The following EBF3 variants were observed in gnomAD, a reference collection of about 807,000 sequenced individuals.
The protein encoded by EBF3 is EBF transcription factor 3.
Under a neutral mutation model 77.1 loss-of-function variants are expected in EBF3, and 18 were observed. The ratio of observed to expected loss-of-function variants is 0.23; its 90% CI spans 0.16 to 0.35. The LOEUF is 0.35. Ranked by LOEUF, EBF3 falls within the 10% of genes least tolerant of loss-of-function variation. EBF3 has a pLI of 1.00. For missense variants in EBF3, 558 were observed against 860.0 expected (o/e 0.65, Z 4.39); for synonymous variants, 350 against 343.5 (o/e 1.02, Z -0.21).
chr10:129,958,792 G>A, intron 5 of EBF3, 142 bp downstream of exon 5: 1 of 1,143,940 alleles, frequency 8.7e-7, no homozygotes, highest in East Asian at 3.2e-5. Flanking sequence ...GCGGCCCGGC[G>A]CGCGGCCTCG....
At chr10:129,950,828 C>T (rs188959601) in intron 6 of EBF3, among the ~76,000 whole-genome samples, 3 of 152,252 alleles carry the variant, frequency 2.0e-5, no homozygotes, top group Non-Finnish European at 4.4e-5. Context: ...GGCAAGCTGA[C>T]GGAGGGAATG....
At chr10:129,914,947 A>G (rs528786350) in intron 6 of EBF3, among the ~76,000 whole-genome samples, 2 of 152,332 alleles carry the variant, frequency 1.3e-5, no homozygotes, top group African/African-American at 4.8e-5. Flanking sequence ...CAGGGACTGT[A>G]TCTATGCATC....
chr10:129,900,040 C>T (rs887094062), intron 6 of EBF3, among the ~76,000 whole-genome samples: 4 of 152,220 alleles, frequency 2.6e-5, no homozygotes, highest in Admixed American at 2.6e-4. Flanking sequence ...TTAGATTTAG[C>T]TGTGTTTGAG....
intron 10 of EBF3, among the ~76,000 whole-genome samples, 193 bp downstream of exon 10, chr10:129,866,948 C>T (rs755755842): frequency 3.9e-5 from 6 of 152,244 alleles, no homozygotes; most frequent in African/African-American, 1.2e-4. Context: ...GCCCCATCCA[C>T]GGCTTCATAC....
chr10:129,945,452 T>C (rs1214801709), intron 6 of EBF3, among the ~76,000 whole-genome samples: 1 of 152,206 alleles, frequency 6.6e-6, no homozygotes, highest in African/African-American at 2.4e-5. Context: ...CAGAGGGCTC[T>C]GTAAATCACA....
intron 9 of EBF3, 131 bp from the exon 10 acceptor site, chr10:129,867,398 C>G: frequency 7.2e-7 from 1 of 1,389,788 alleles, no homozygotes; most frequent in South Asian, 1.4e-5. Flanking sequence ...TCCTAGCTGT[C>G]ACCCAGAGTC....
At chr10:129,878,051 G>C (rs1403081037) in intron 6 of EBF3, among the ~76,000 whole-genome samples, 1 of 152,124 alleles carries the variant, frequency 6.6e-6, no homozygotes, top group Non-Finnish European at 1.5e-5. Flanking sequence ...AGAGCAGTGA[G>C]TTGCATTTGC....
rs528796530 is a variant in EBF3 at position 129,841,739 on chromosome 10, C to T, written c.1372+377G>A. On this transcript the variant is annotated intron_variant, in intron 13 of 16. Transcript: ENST00000440978. The surrounding 1 kb of genome is among the most constrained non-coding windows in gnomAD (Gnocchi z 4.6). ...TCGTTCCAAACTTAGACCCAAATCCCGCCGTGCAGTGCGTCCAAGCAGGCT... is the reference window on the plus strand; with the variant it reads ...TCGTTCCAAACTTAGACCCAAATCCTGCCGTGCAGTGCGTCCAAGCAGGCT... 8.5e-5 allele frequency among the ~76,000 whole-genome samples: 13 copies of T among 152,246 alleles called. No homozygotes were observed. The highest frequency in any genetic ancestry group is 4.1e-4 in the South Asian group (2 of 4,820).
chr10:129,846,095 T>C lies in EBF3; in HGVS notation c.1128+2297A>G, dbSNP rs1226233469. On this transcript the variant is annotated intron_variant, in intron 11 of 16. Transcript: ENST00000440978. ...AGTGCCTCTTGATATTGCCTTTATT[T>C]TCATTCTGGGCTTTGTGTGTGTGTG... 5.6e-5 allele frequency among the ~76,000 whole-genome samples: 8 copies of C among 144,024 alleles called. No homozygotes were observed. The Admixed American group carries it at 5.7e-4, about 10-fold the overall frequency. The allele number at this position is 144,024 out of a possible 152,430, so 94.5% of individuals were successfully genotyped here. A position where few individuals can be genotyped will look rare whatever the true frequency, so the allele number is the denominator to read the frequency against.
chr10:129,896,272 G>A (rs901836534), intron 6 of EBF3, among the ~76,000 whole-genome samples: 1 of 152,246 alleles, frequency 6.6e-6, no homozygotes, highest in Admixed American at 6.5e-5. Context: ...ATGTCAGGTG[G>A]CCTCAGTGGT....
At chr10:129,931,094 A>G (rs1374489962) in intron 6 of EBF3, among the ~76,000 whole-genome samples, 1 of 152,004 alleles carries the variant, frequency 6.6e-6, no homozygotes, top group Non-Finnish European at 1.5e-5. Context: ...CTATCTCTAT[A>G]TTAACAAATC....
At chr10:129,838,927 G>A (rs543825737) in intron 16 of EBF3, among the ~76,000 whole-genome samples, 156 bp downstream of exon 16, 3 of 152,294 alleles carry the variant, frequency 2.0e-5, no homozygotes, top group Non-Finnish European at 4.4e-5. Flanking sequence ...CCCGTGTCAC[G>A]GGCAGGGCCG....
intron 4 of EBF3, among the ~76,000 whole-genome samples, chr10:129,959,287 C>A (rs1295263614): frequency 1.3e-5 from 2 of 151,996 alleles, no homozygotes; most frequent in African/African-American, 4.8e-5. Flanking sequence ...GGGCTCGGGC[C>A]GCGGGGAGGG....
At chr10:129,883,510 C>T (rs1384099315) in intron 6 of EBF3, among the ~76,000 whole-genome samples, 3 of 152,158 alleles carry the variant, frequency 2.0e-5, no homozygotes, top group East Asian at 3.9e-4. Flanking sequence ...GCAGCAAACT[C>T]ATACAACAGT....
chr10:129,885,459 G>A lies in EBF3; in HGVS notation c.555-7610C>T, dbSNP rs143291007. On this transcript the variant is annotated intron_variant, in intron 6 of 16. Coordinates refer to ENST00000440978, the MANE Select transcript of EBF3 (RefSeq NM_001375380.1). The surrounding 1 kb of genome is among the most constrained non-coding windows in gnomAD (Gnocchi z 4.0). ...AGTTAGTATTTTCTGCAACTGCTCCGGATATTTCATGATAGTTTTGATAAG... is the reference window on the plus strand; with the variant it reads ...AGTTAGTATTTTCTGCAACTGCTCCAGATATTTCATGATAGTTTTGATAAG... Among the ~76,000 whole-genome samples the A allele has an allele frequency of 4.1e-3, 628 of 152,176 alleles. 4 individuals are homozygous for A. Among genetic ancestry groups the A allele is most frequent in the African/African-American group, 0.015 (609 of 41,502 alleles).
Position 129,943,334 on chromosome 10 carries a change from TATCAC to T in EBF3, c.554+13919_554+13923del, listed in dbSNP as rs1857924593. Among the ~76,000 whole-genome samples the T allele has an allele frequency of 2.0e-5, 3 of 152,120 alleles. No individual in the cohort carries two copies. The highest frequency in any genetic ancestry group is 2.9e-5 in the Non-Finnish European group (2 of 68,032). The stretch of plus-strand genomic sequence containing the variant: ...TTAAAGAAGCAAATTGGATTTGCCC[TATCAC>T]AAAAAAAATTAATTCCAGATTGTAG... On this transcript the variant is annotated intron_variant, in intron 6 of 16. Coordinates refer to ENST00000440978, the MANE Select transcript of EBF3 (RefSeq NM_001375380.1). The surrounding 1 kb of genome is among the most constrained non-coding windows in gnomAD (Gnocchi z 8.8).
chr10:129,960,825 T>C (rs1859458876), intron 4 of EBF3, among the ~76,000 whole-genome samples: 1 of 152,142 alleles, frequency 6.6e-6, no homozygotes. Context: ...AATTAGACTA[T>C]AGCGATTTCC....
Position 129,867,818 on chromosome 10 carries a change from C to A in EBF3, c.876G>T (p.Leu292=). 3.7e-6 allele frequency: 6 copies of A among 1,614,250 alleles called. No homozygotes were observed. The highest frequency in any genetic ancestry group is 2.2e-5 in the South Asian group (2 of 91,088). Residue 292 remains leucine, a synonymous_variant, in exon 9 of 17, where the codon CTG becomes CTT. Transcript: ENST00000440978. ...CCAACATAGTTCCGAATACAACTTG[C>A]AGCCCGTCAAAGAAGTTGTCGCCAA... ...IIIGDNFFDG[L]QVVFGTMLVW... is the part of the protein sequence containing the mutation.
chr10:129,946,741 CAG>C (rs1404887191), intron 6 of EBF3, among the ~76,000 whole-genome samples: 1 of 152,182 alleles, frequency 6.6e-6, no homozygotes, highest in Non-Finnish European at 1.5e-5. Context: ...CAGGAAAGGG[CAG>C]AGTCTATTTT....
Sources: allele counts gnomAD v4.1 joint callset (sites outside exome capture counted in the v4.1 genomes callset), GRCh38; gene constraint gnomAD v4.1.1; non-coding constraint Gnocchi (gnomAD v3.1); transcripts MANE v1.5; gene names NCBI Gene and HGNC (gene_info 2026-07-23, HGNC 2026-07-21).